REEP1: variants seen among roughly 807,000 people sequenced by gnomAD.
REEP1 encodes receptor accessory protein 1, also known as receptor expression-enhancing protein 1.
A neutral mutation model predicts 40.3 loss-of-function variants in REEP1; 22 were observed. That is an observed-to-expected ratio of 0.55 (90% CI 0.39 to 0.78). The LOEUF (loss-of-function observed/expected upper bound fraction) is 0.78. Ranked by LOEUF, REEP1 falls within the 30% of genes least tolerant of loss-of-function variation. The pLI, the probability that REEP1 is intolerant of heterozygous loss-of-function variation, is 0.00. For missense variants in REEP1, 280 were observed against 361.1 expected (o/e 0.78, Z 1.82); for synonymous variants, 116 against 139.2 (o/e 0.83, Z 1.17).
intron 1 of REEP1, among the ~76,000 whole-genome samples, chr2:86,326,659 C>T (rs1239988794): frequency 6.6e-6 from 1 of 152,026 alleles, no homozygotes; most frequent in African/African-American, 2.4e-5. Flanking sequence ...TTGCAGTGAG[C>T]CAAGATCATG....
At chr2:86,291,299 G>C (rs1296112175) in intron 1 of REEP1, among the ~76,000 whole-genome samples, 1 of 152,156 alleles carries the variant, frequency 6.6e-6, no homozygotes, top group Non-Finnish European at 1.5e-5. Flanking sequence ...CTCTGGCCCT[G>C]AATTATAGAT....
chr2:86,318,337 A>G (rs1680120891), intron 1 of REEP1, among the ~76,000 whole-genome samples: 1 of 151,404 alleles, frequency 6.6e-6, no homozygotes, highest in Admixed American at 6.6e-5. Flanking sequence ...AATGTACAGT[A>G]CTCTCTTCTT....
chr2:86,223,273 T>C (rs1415124104), intron 7 of REEP1, among the ~76,000 whole-genome samples: 1 of 152,066 alleles, frequency 6.6e-6, no homozygotes, highest in African/African-American at 2.4e-5. Context: ...CCACCTCTTC[T>C]CTCTGTGGGG....
intron 3 of REEP1, among the ~76,000 whole-genome samples, chr2:86,256,363 A>C (rs1189660210): frequency 6.6e-6 from 1 of 151,610 alleles, no homozygotes; most frequent in African/African-American, 2.4e-5. Context: ...AAAAAAAAAA[A>C]AAAGAACTTC....
At chr2:86,275,620 G>T (rs1338817856) in intron 2 of REEP1, among the ~76,000 whole-genome samples, 1 of 152,124 alleles carries the variant, frequency 6.6e-6, no homozygotes, top group Non-Finnish European at 1.5e-5. Context: ...TCTGAAATCT[G>T]TTTACCCTGT....
intron 7 of REEP1, among the ~76,000 whole-genome samples, chr2:86,223,198 C>T (rs1486190729): frequency 6.6e-6 from 1 of 152,212 alleles, no homozygotes; most frequent in Admixed American, 6.5e-5. Flanking sequence ...GGGTGTGTGG[C>T]CTTGGCTGAT....
intron 1 of REEP1, among the ~76,000 whole-genome samples, chr2:86,302,159 T>A (rs1044614037): frequency 6.6e-6 from 1 of 152,168 alleles, no homozygotes; most frequent in Non-Finnish European, 1.5e-5. Context: ...CTGTGCAGTC[T>A]CTTCAGGAGG....
intron 1 of REEP1, among the ~76,000 whole-genome samples, chr2:86,290,378 A>C (rs1678631507): frequency 6.6e-6 from 1 of 152,172 alleles, no homozygotes; most frequent in Non-Finnish European, 1.5e-5. Context: ...CAACTGTATA[A>C]GTTTGCCCAA....
At chr2:86,287,272 G>C (rs1273456268) in intron 1 of REEP1, among the ~76,000 whole-genome samples, 1 of 152,002 alleles carries the variant, frequency 6.6e-6, no homozygotes, top group African/African-American at 2.4e-5. Context: ...ATTTTTAGTA[G>C]AGCCAGGGTT....
intron 1 of REEP1, among the ~76,000 whole-genome samples, chr2:86,291,654 C>A (rs1678701223): frequency 6.6e-6 from 1 of 152,016 alleles, no homozygotes; most frequent in Non-Finnish European, 1.5e-5. Context: ...ATAAAAAAAA[C>A]TGAGCCTCAG....
At chr2:86,332,643 T>C (rs1047867951) in intron 1 of REEP1, among the ~76,000 whole-genome samples, 2 of 152,090 alleles carry the variant, frequency 1.3e-5, no homozygotes, top group Non-Finnish European at 2.9e-5. Context: ...ACTGACCCAG[T>C]AATAACTAGG....
intron 2 of REEP1, among the ~76,000 whole-genome samples, chr2:86,267,708 C>T (rs1049108607): frequency 6.6e-6 from 1 of 151,956 alleles, no homozygotes; most frequent in Non-Finnish European, 1.5e-5. Flanking sequence ...AATTAGACTT[C>T]ATCAAAATTA....
At position 86,216,829 on chromosome 2, in the gene REEP1, TAC is replaced by T; in HGVS notation, c.*208_*209del. 2.3e-6 allele frequency: 1 copy of T among 427,816 alleles called. No homozygotes were observed. The highest frequency in any genetic ancestry group is 4.4e-6 in the Non-Finnish European group (1 of 227,266). 26.5% of individuals were successfully genotyped at this position (427,816 alleles called of 1,614,324 possible). A position where few individuals can be genotyped will look rare whatever the true frequency, so the allele number is the denominator to read the frequency against. ...TAAAGGTCACCACCCCCGCCCCTACTACCTTTCCCTTTAGCCTCTCCCCAGCA... is the reference window on the plus strand; with the variant it reads ...TAAAGGTCACCACCCCCGCCCCTACTCTTTCCCTTTAGCCTCTCCCCAGCA... On this transcript the variant is annotated 3_prime_UTR_variant, in exon 9 of 9. Coordinates refer to ENST00000538924, the MANE Select transcript of REEP1 (RefSeq NM_001371279.1).
chr2:86,222,646 G>A (rs1056601880), intron 7 of REEP1, among the ~76,000 whole-genome samples: 39 of 152,330 alleles, frequency 2.6e-4, no homozygotes, highest in African/African-American at 9.1e-4. Context: ...TCTACACCTT[G>A]ATGGTATGCA....
chr2:86,337,901 C>A, upstream of REEP1: 1 of 1,024,042 alleles, frequency 9.8e-7, no homozygotes, highest in Non-Finnish European at 1.4e-6. This position sits in a 1 kb window ranked among gnomAD's most constrained non-coding sequence, Gnocchi z 5.8. Context: ...GCTGCCCCAC[C>A]CTCAGCGTTC....
chr2:86,278,513 G>A (rs1042089980), intron 2 of REEP1, among the ~76,000 whole-genome samples: 12 of 152,338 alleles, frequency 7.9e-5, no homozygotes, highest in African/African-American at 2.2e-4. Context: ...TTTTTAAGCC[G>A]AAATGTGGGT....
At chr2:86,316,250 C>T (rs1340791917) in intron 1 of REEP1, among the ~76,000 whole-genome samples, 1 of 152,078 alleles carries the variant, frequency 6.6e-6, no homozygotes, top group Non-Finnish European at 1.5e-5. Flanking sequence ...AAAAAATAAT[C>T]TAAAGGGGCC....
At chr2:86,303,773 G>T (rs1032754106) in intron 1 of REEP1, among the ~76,000 whole-genome samples, 1 of 152,174 alleles carries the variant, frequency 6.6e-6, no homozygotes, top group Non-Finnish European at 1.5e-5. Flanking sequence ...GGTAGGGGAG[G>T]CATTTCAGGA....
chr2:86,309,030 T>C (rs974599118), intron 1 of REEP1, among the ~76,000 whole-genome samples: 1 of 152,208 alleles, frequency 6.6e-6, no homozygotes, highest in Non-Finnish European at 1.5e-5. Context: ...ATTTGTTTAA[T>C]ATAGGTGCTG....
Sources: gnomAD v4.1 joint callset for allele counts (sites outside exome capture counted in the v4.1 genomes callset) on GRCh38, gnomAD v4.1.1 for gene constraint, Gnocchi (gnomAD v3.1) non-coding constraint, MANE v1.5 for transcripts, NCBI Gene and HGNC (gene_info 2026-07-23, HGNC 2026-07-21) for gene names.